Variants in NUP155 observed in about 807,000 individuals in gnomAD.
NUP155 encodes the protein nuclear pore complex protein Nup155.
Under a neutral mutation model 180.4 loss-of-function variants are expected in NUP155, and 71 were observed. The observed-to-expected ratio is 0.39, with a 90% CI of 0.33 to 0.48. NUP155 has a LOEUF of 0.48. Among genes scored for constraint, NUP155 ranks in the 20% least tolerant of loss-of-function variants. The pLI, the probability that NUP155 is intolerant of heterozygous loss-of-function variation, is 0.91. For synonymous variants in NUP155, 582 were observed against 559.5 expected, an observed-to-expected ratio of 1.04 and a Z score of -0.57; for missense variants, 1,553 against 1,648.9, an observed-to-expected ratio of 0.94 and a Z score of 1.01.
At chr5:37,342,715 T>G (rs1471777724) in intron 9 of NUP155, 69 bp from the exon 10 acceptor site, 2 of 1,029,482 alleles carry the variant, frequency 1.9e-6, no homozygotes, top group Non-Finnish European at 3.0e-6. Context: ...ATATTTCCCA[T>G]CAGAATGTTT....
intron 4 of NUP155, among the ~76,000 whole-genome samples, chr5:37,356,571 G>A (rs999649277): frequency 3.9e-5 from 6 of 152,028 alleles, no homozygotes; most frequent in Non-Finnish European, 7.4e-5. Flanking sequence ...CTCAGGAGGC[G>A]AGACTGCAGT....
chr5:37,357,974 T>C (rs1197538085), intron 4 of NUP155, 107 bp downstream of exon 4: 3 of 778,504 alleles, frequency 3.9e-6, no homozygotes, highest in Non-Finnish European at 2.3e-6. Context: ...GCCTACTCGA[T>C]GGAACGAGAC....
At chr5:37,359,496 A>G (rs1747059952) in intron 3 of NUP155, among the ~76,000 whole-genome samples, 1 of 152,104 alleles carries the variant, frequency 6.6e-6, no homozygotes, top group African/African-American at 2.4e-5. Flanking sequence ...CCAGTAAACC[A>G]ACTTGCACCC....
intron 22 of NUP155, among the ~76,000 whole-genome samples, chr5:37,313,882 T>C (rs1448586635): frequency 6.6e-6 from 1 of 152,166 alleles, no homozygotes; most frequent in Non-Finnish European, 1.5e-5. Context: ...TGCATTTCTT[T>C]AAGGGTAGTG....
chr5:37,357,810 T>C (rs1192501242), intron 4 of NUP155, among the ~76,000 whole-genome samples: 6 of 151,978 alleles, frequency 3.9e-5, no homozygotes, highest in Admixed American at 6.6e-5. Flanking sequence ...CTGGCCAACA[T>C]GGCGGAGCCC....
intron 1 of NUP155, among the ~76,000 whole-genome samples, chr5:37,367,827 T>C (rs1175707042): frequency 7.1e-6 from 1 of 140,032 alleles, no homozygotes; most frequent in African/African-American, 2.7e-5. Context: ...TCTATTGCCC[T>C]GGCTGGAGTA....
intron 23 of NUP155, among the ~76,000 whole-genome samples, chr5:37,310,223 T>A (rs1743440155): frequency 6.6e-6 from 1 of 152,026 alleles, no homozygotes; most frequent in South Asian, 2.1e-4. Context: ...CCGTAGCCCC[T>A]AGCTACATGA....
chr5:37,304,029 C>G (rs140239588), intron 27 of NUP155, among the ~76,000 whole-genome samples: 7,945 of 149,576 alleles, frequency 0.053, 231 homozygotes, highest in South Asian at 0.083. Flanking sequence ...GGGCAGATCA[C>G]CTGAGCTCAG....
chr5:37,365,738 A>T (rs57667682), intron 1 of NUP155, among the ~76,000 whole-genome samples: 11,097 of 36,980 alleles, frequency 0.3, 2,693 homozygotes, highest in African/African-American at 0.47. Context: ...AAAAAAAAAA[A>T]ATATATATAT....
chr5:37,351,377 A>G, intron 5 of NUP155, 21 bp from the exon 6 acceptor site: 1 of 1,570,342 alleles, frequency 6.4e-7, no homozygotes, highest in Non-Finnish European at 8.8e-7. Flanking sequence ...AAGAATACAT[A>G]AATCAGTTTA....
chr5:37,289,879 A>T lies in NUP155; in HGVS notation c.*2021T>A, dbSNP rs543154177. The stretch of plus-strand genomic sequence containing the variant: ...AATTTTAAATTTATAAAACGAATTA[A>T]TGTATCGCATACATTCACTTTACAT... On this transcript the variant is annotated 3_prime_UTR_variant, in exon 35 of 35. Coordinates refer to ENST00000231498, the MANE Select transcript of NUP155 (RefSeq NM_153485.3). The T allele has an allele frequency of 6.6e-6, 1 of 152,354 alleles. No individual in the cohort carries two copies. The highest frequency in any genetic ancestry group is 2.4e-5 in the African/African-American group (1 of 41,588). 9.4% of individuals were successfully genotyped at this position (152,354 alleles called of 1,614,324 possible).
At chr5:37,317,217 G>A (rs1205183253) in intron 21 of NUP155, among the ~76,000 whole-genome samples, 1 of 146,652 alleles carries the variant, frequency 6.8e-6, no homozygotes. Context: ...GGCTGGGCAC[G>A]GTGGCTCACA....
intron 1 of NUP155, among the ~76,000 whole-genome samples, chr5:37,365,617 A>T (rs1231393447): frequency 6.7e-6 from 1 of 148,864 alleles, no homozygotes; most frequent in African/African-American, 2.5e-5. Context: ...CTGAGGCAGG[A>T]GAACTGCTTG....
chr5:37,313,010 C>T (rs1190874418), intron 22 of NUP155, among the ~76,000 whole-genome samples: 1 of 152,092 alleles, frequency 6.6e-6, no homozygotes, highest in African/African-American at 2.4e-5. Flanking sequence ...GAATAAATTT[C>T]CTCTATATAT....
intron 34 of NUP155, 62 bp from the exon 35 acceptor site, chr5:37,292,100 C>G: frequency 6.5e-7 from 1 of 1,529,394 alleles, no homozygotes; most frequent in Non-Finnish European, 9.1e-7. Flanking sequence ...TGCAGGACTT[C>G]TTCCCCACCA....
intron 21 of NUP155, among the ~76,000 whole-genome samples, chr5:37,315,375 T>C (rs1743817378): frequency 6.6e-6 from 1 of 152,274 alleles, no homozygotes; most frequent in Non-Finnish European, 1.5e-5. Context: ...GTATCTGGAA[T>C]AACTGAAGAT....
At chr5:37,333,787 T>A (rs1428111872) in intron 12 of NUP155, among the ~76,000 whole-genome samples, 154 bp from the exon 13 acceptor site, 7 of 152,134 alleles carry the variant, frequency 4.6e-5, no homozygotes, top group Non-Finnish European at 7.4e-5. Context: ...ATCTTTTTTT[T>A]AAATCAGGTA....
At chr5:37,301,768 A>G (rs1316304431) in intron 29 of NUP155, among the ~76,000 whole-genome samples, 1 of 152,216 alleles carries the variant, frequency 6.6e-6, no homozygotes, top group Non-Finnish European at 1.5e-5. Context: ...CCCAATACTT[A>G]TACCTTCCAA....
rs753538952 is a variant in NUP155 at position 37,348,638 on chromosome 5, C to T, written c.904-42G>A. 5.7e-6 allele frequency: 6 copies of T among 1,058,428 alleles called. No individual in the cohort carries two copies. The South Asian group carries it at 7.5e-5, about 13-fold the overall frequency. 65.6% of individuals were successfully genotyped at this position (1,058,428 alleles called of 1,614,324 possible). A position where few individuals can be genotyped will look rare whatever the true frequency, so the allele number is the denominator to read the frequency against. ...ATTCTCACTTAAACATGATTATATA[C>T]TATACACATATTATTAAACTCTTTC... On this transcript the variant is annotated intron_variant, in intron 8 of 34. Coordinates refer to ENST00000231498, the MANE Select transcript of NUP155 (RefSeq NM_153485.3).
Sources: allele counts gnomAD v4.1 joint callset (sites outside exome capture counted in the v4.1 genomes callset), GRCh38; gene constraint gnomAD v4.1.1; transcripts MANE v1.5; gene names NCBI Gene and HGNC (gene_info 2026-07-23, HGNC 2026-07-21).